SPG11: variants seen among roughly 807,000 people sequenced by gnomAD.
SPG11 encodes the protein SPG11 vesicle trafficking associated, spatacsin, also known as spatacsin.
Under a neutral mutation model 274.0 loss-of-function variants are expected in SPG11, and 222 were observed. That is an observed-to-expected ratio of 0.81 (90% confidence interval 0.73 to 0.91). The LOEUF is 0.91. Ranked by LOEUF, SPG11 falls within the 40% of genes least tolerant of loss-of-function variation. The pLI, the probability that SPG11 is intolerant of heterozygous loss-of-function variation, is 0.00. For synonymous variants in SPG11, 1,144 were observed against 1,039.7 expected (o/e 1.10, Z -1.93); for missense variants, 3,114 against 2,872.7 (o/e 1.08, Z -1.92).
In SPG11 at chr15:44,563,200, T is replaced by A; in HGVS notation, c.7253A>T (p.His2418Leu). The change falls in exon 40 of 40, where the codon CAC (histidine) becomes CTC (leucine). Residue 2418 changes from histidine (H) to leucine (L), a missense_variant. Coordinates refer to ENST00000261866, the MANE Select transcript of SPG11 (RefSeq NM_025137.4). ...VYLYYKLAYE[H>L]KFYEIVNVLL... ...CACATTTACAATTTCATAAAACTTG[T>A]GTTCGTATGCCAACTTGTAATACAG... 1 of 1,614,222 alleles carries A rather than the reference T, an allele frequency of 6.2e-7. No homozygotes were observed.
chr15:44,601,462 T>C (rs1654434797), intron 20 of SPG11, among the ~76,000 whole-genome samples: 1 of 152,000 alleles, frequency 6.6e-6, no homozygotes. Context: ...GATTTCACCA[T>C]GTTGCCCAGG....
At chr15:44,657,003 C>A in intron 4 of SPG11, 92 bp downstream of exon 4, 1 of 1,084,222 alleles carries the variant, frequency 9.2e-7, no homozygotes, top group South Asian at 1.5e-5. Context: ...AAAAGAAACA[C>A]TAGTTAAAAA....
chr15:44,663,069 CTG>C (rs2141136857), intron 1 of SPG11, among the ~76,000 whole-genome samples: 1 of 152,360 alleles, frequency 6.6e-6, no homozygotes, highest in South Asian at 2.1e-4. Flanking sequence ...GTTAATCAAC[CTG>C]TGTTGAATAA....
chr15:44,569,398 C>T lies in SPG11; in HGVS notation c.6585G>A (p.Pro2195=), dbSNP rs1206211976. ...CTGGAGCTCATTACTTTGCACCTAC[C>T]GGATCCAACTTCTTCCTCATTAGCA... ...FEVLMRKKLD[P]SGTLKTALLD... is the part of the protein sequence containing the mutation. Residue 2195 remains proline (P), a splice_region_variant and synonymous_variant, in exon 35 of 40, where the codon CCG becomes CCA. Transcript: ENST00000261866. 11 of 1,595,458 alleles carry T rather than the reference C, an allele frequency of 6.9e-6. No homozygotes were observed. Among genetic ancestry groups the T allele is most frequent in the Admixed American group, 5.2e-5 (3 of 57,678 alleles).
At chr15:44,567,349 CAAAAAA>C (rs397853802) in intron 36 of SPG11, 69 bp downstream of exon 36, 67 of 1,184,574 alleles carry the variant, frequency 5.7e-5, no homozygotes, top group East Asian at 1.5e-4. Flanking sequence ...GACTCTGTCT[CAAAAAA>C]AAAAAAAAAA....
chr15:44,569,437 CT>C lies in SPG11; in HGVS notation c.6545del (p.Lys2182SerfsTer7), dbSNP rs1314235970. The C allele has an allele frequency of 6.2e-7, 1 of 1,606,996 alleles. No homozygotes were observed. Among genetic ancestry groups the C allele is most frequent in the East Asian group, 2.2e-5 (1 of 44,780 alleles). The part of the protein sequence containing the change: ...MTYIFDLLHK[K>X]HYFEVLMRKK... ...TCCTCATTAGCACTTCAAAGTAGTG[CT>C]TTTTATGCAGCAAATCAAATATGTA... On this transcript the variant is annotated frameshift_variant, in exon 35 of 40. Coordinates refer to ENST00000261866, the MANE Select transcript of SPG11 (RefSeq NM_025137.4). LOFTEE classifies it high-confidence loss of function.
At chr15:44,591,854 A>AATCCCAGCACTTCAGG (rs1466748908) in intron 27 of SPG11, among the ~76,000 whole-genome samples, 41 of 152,306 alleles carry the variant, frequency 2.7e-4, no homozygotes, top group Admixed American at 6.5e-4. Context: ...TTACGCCTGT[A>AATCCCAGCACTTCAGG]ATCCCAGCAC....
intron 26 of SPG11, among the ~76,000 whole-genome samples, chr15:44,594,083 A>G (rs1274895387): frequency 6.6e-6 from 1 of 151,274 alleles, no homozygotes; most frequent in Admixed American, 6.6e-5. Flanking sequence ...AATATCTAAT[A>G]TTATTTTCAC....
Position 44,628,797 on chromosome 15 carries a change from T to C in SPG11, c.1939A>G (p.Ile647Val), listed in dbSNP as rs375256495. 3.8e-5 allele frequency: 62 copies of C among 1,613,610 alleles called. No individual in the cohort carries two copies. The highest frequency in any genetic ancestry group is 2.2e-4 in the Admixed American group (13 of 59,994). ...QKGVNILTSY[I>V]NELRTFMIKF... ...ATCATGAAGGTTCGAAGTTCATTAA[T>C]GTAGCTAGTCAAAATGTTCACTCCT... Residue 647 changes from isoleucine (I) to valine (V), a missense_variant, in exon 10 of 40, where the codon ATT becomes GTT. By Grantham distance (29) the Ile-to-Val change is conservative. Coordinates refer to ENST00000261866, the MANE Select transcript of SPG11 (RefSeq NM_025137.4).
chr15:44,594,905 C>T (rs2082995817), intron 26 of SPG11, among the ~76,000 whole-genome samples: 1 of 152,236 alleles, frequency 6.6e-6, no homozygotes, highest in Admixed American at 6.5e-5. Flanking sequence ...CAACCTCCAC[C>T]TCCCAGGTTC....
chr15:44,595,173 C>T (rs771069491), intron 26 of SPG11, 86 bp downstream of exon 26: 151 of 1,367,850 alleles, frequency 1.1e-4, no homozygotes, highest in Non-Finnish European at 1.5e-4. Context: ...AAAAAAAATC[C>T]AGGGATGGAA....
intron 4 of SPG11, among the ~76,000 whole-genome samples, chr15:44,653,254 G>A (rs1328263809): frequency 1.3e-5 from 2 of 152,224 alleles, no homozygotes; most frequent in African/African-American, 4.8e-5. Context: ...GAGTAGCTAG[G>A]GGAAGAAGGG....
At chr15:44,659,344 A>T in intron 2 of SPG11, 41 bp from the exon 3 acceptor site, 1 of 1,526,844 alleles carries the variant, frequency 6.5e-7, no homozygotes, top group Non-Finnish European at 9.1e-7. Flanking sequence ...CATTGGTCAC[A>T]ATTTTACAAC....
rs1397419675 is a variant in SPG11, at chr15:44,574,912, T to C, written c.5996A>G (p.Asp1999Gly). The stretch of plus-strand genomic sequence containing the variant: ...CCCCTTGGCACATACCTTGGCAAGA[T>C]CATACAGACAGAGGACCTGTCGACA... ...NYCRQVLCLY[D>G]LAKELGCSYT... Residue 1999 changes from aspartate to glycine, a missense_variant, in exon 31 of 40, where the codon GAT (aspartate) becomes GGT (glycine). Asp to Gly is a moderately conservative substitution (Grantham distance 94). Coordinates refer to ENST00000261866, the MANE Select transcript of SPG11 (RefSeq NM_025137.4). The C allele has an allele frequency of 1.9e-6, 3 of 1,613,840 alleles. No individual in the cohort carries two copies. The highest frequency in any genetic ancestry group is 2.5e-6 in the Non-Finnish European group (3 of 1,180,030).
chr15:44,630,239 C>T (rs1357053671), intron 8 of SPG11, among the ~76,000 whole-genome samples: 2 of 152,144 alleles, frequency 1.3e-5, no homozygotes, highest in African/African-American at 4.8e-5. Flanking sequence ...TCCCGCTGCC[C>T]CCCGTGGATT....
intron 30 of SPG11, among the ~76,000 whole-genome samples, chr15:44,581,231 G>A (rs925745417): frequency 6.6e-6 from 1 of 152,130 alleles, no homozygotes. Flanking sequence ...TTTTGAGACA[G>A]GTTCTTACTT....
Position 44,570,604 on chromosome 15 carries a change from T to C in SPG11, c.6398A>G (p.Glu2133Gly). The C allele has an allele frequency of 6.2e-7, 1 of 1,614,098 alleles. No homozygotes were observed. Among genetic ancestry groups the C allele is most frequent in the Non-Finnish European group, 8.5e-7 (1 of 1,179,984 alleles). The change falls in exon 34 of 40, where the codon GAG (glutamate) becomes GGG (glycine). Residue 2133 changes from glutamate (E) to glycine (G), a missense_variant. Coordinates refer to ENST00000261866, the MANE Select transcript of SPG11 (RefSeq NM_025137.4). The part of the protein sequence containing the change: ...HHCFTLTCHM[E>G]GIIRVLQAAH... The stretch of plus-strand genomic sequence containing the variant: ...GGCCTGTAGGACTCGGATGATGCCC[T>C]CCATGTGGCACGTCAGGGTGAAGCA...
intron 20 of SPG11, among the ~76,000 whole-genome samples, chr15:44,601,873 C>T (rs758425386): frequency 2.6e-4 from 39 of 152,194 alleles, no homozygotes; most frequent in African/African-American, 4.8e-4. Flanking sequence ...CCAGCCACCG[C>T]GCCCAGCCCA....
Position 44,652,206 on chromosome 15 carries a change from A to C in SPG11, c.930T>G (p.Pro310=). ...RILEDLPIQG[P]KGVDEDDPVN... ...CAGGATCATCTTCATCTACGCCCTT[A>C]GGTCCTTGAATAGGAAGATCTTCTA... Residue 310 remains proline, a synonymous_variant, in exon 5 of 40, where the codon CCT becomes CCG. Transcript: ENST00000261866. 6.2e-7 allele frequency: 1 copy of C among 1,614,106 alleles called. No homozygotes were observed. Among genetic ancestry groups the C allele is most frequent in the Non-Finnish European group, 8.5e-7 (1 of 1,179,968 alleles).
Sources: gnomAD v4.1 joint callset for allele counts (sites outside exome capture counted in the v4.1 genomes callset) on GRCh38, gnomAD v4.1.1 for gene constraint, MANE v1.5 for transcripts, NCBI Gene and HGNC (gene_info 2026-07-23, HGNC 2026-07-21) for gene names.